MME: variants seen among roughly 807,000 people sequenced by gnomAD.
The protein encoded by MME is membrane metalloendopeptidase.
A neutral mutation model predicts 113.2 loss-of-function variants in MME; 98 were observed. The ratio of observed to expected loss-of-function variants is 0.87; its 90% confidence interval spans 0.74 to 1.02. The LOEUF is 1.02. Ranked by LOEUF, MME falls within the 50% of genes least tolerant of loss-of-function variation. The pLI is 0.00. For synonymous variants in MME, 292 were observed against 300.6 expected (o/e 0.97, Z 0.30); for missense variants, 836 against 896.0 (o/e 0.93, Z 0.86).
chr3:155,038,659 G>A (rs1201437250), intron 1 of MME, among the ~76,000 whole-genome samples: 1 of 152,158 alleles, frequency 6.6e-6, no homozygotes, highest in Admixed American at 6.6e-5. Context: ...TCCTAAAACT[G>A]CAGATAGTAC....
chr3:155,038,065 T>C (rs1713184618), intron 1 of MME, among the ~76,000 whole-genome samples: 1 of 152,128 alleles, frequency 6.6e-6, no homozygotes, highest in African/African-American at 2.4e-5. Context: ...ACCACACACT[T>C]TGAAGTGTTT....
At chr3:155,100,147 A>G (rs1372935977) in intron 3 of MME, among the ~76,000 whole-genome samples, 1 of 152,176 alleles carries the variant, frequency 6.6e-6, no homozygotes, top group African/African-American at 2.4e-5. Flanking sequence ...TTTGCAATTT[A>G]CTCATCTGAC....
At chr3:155,035,068 A>G (rs1302609257) in intron 1 of MME, among the ~76,000 whole-genome samples, 1 of 152,162 alleles carries the variant, frequency 6.6e-6, no homozygotes, top group African/African-American at 2.4e-5. Flanking sequence ...GAAATAATGG[A>G]GATGGAATGT....
In MME at chr3:155,140,492, C is replaced by G. The variant is rs74556683; in HGVS notation, c.957+200C>G. Among the ~76,000 whole-genome samples, 779 of 140,862 alleles carry G rather than the reference C, an allele frequency of 5.5e-3. 6 individuals are homozygous for G. The highest frequency in any genetic ancestry group is 0.019 in the African/African-American group (720 of 37,818). The allele number at this position is 140,862 out of a possible 152,430, so 92.4% of individuals were successfully genotyped here. On this transcript the variant is annotated intron_variant, in intron 10 of 22. Coordinates refer to ENST00000360490, the MANE Select transcript of MME (RefSeq NM_007289.4). ...AGTACAGTGACACAATCTTGGCTCA[C>G]TGTAACGTCCACCTCCCAGGCTCAA...
chr3:155,157,190 C>T (rs1576655284), intron 16 of MME, among the ~76,000 whole-genome samples: 1 of 152,062 alleles, frequency 6.6e-6, no homozygotes, highest in East Asian at 1.9e-4. Flanking sequence ...GCTTACCTGA[C>T]AAAATTACAT....
At chr3:155,032,404 T>G (rs1713000855) in intron 1 of MME, among the ~76,000 whole-genome samples, 1 of 152,170 alleles carries the variant, frequency 6.6e-6, no homozygotes, top group African/African-American at 2.4e-5. Flanking sequence ...AGAAAGACAT[T>G]CAAAACCTCA....
chr3:155,132,310 T>C (rs1720206521), intron 8 of MME, among the ~76,000 whole-genome samples: 1 of 152,188 alleles, frequency 6.6e-6, no homozygotes, highest in South Asian at 2.1e-4. Context: ...AGGAAGAGCC[T>C]CATTTCTAAA....
At chr3:155,029,167 C>G (rs1365064065) in intron 1 of MME, among the ~76,000 whole-genome samples, 2 of 152,068 alleles carry the variant, frequency 1.3e-5, no homozygotes, top group African/African-American at 4.8e-5. Context: ...CTTACTATTT[C>G]TTGTTAATAC....
intron 3 of MME, among the ~76,000 whole-genome samples, chr3:155,087,941 A>G (rs1371339270): frequency 6.6e-6 from 1 of 152,196 alleles, no homozygotes; most frequent in Non-Finnish European, 1.5e-5. Context: ...TTTAACCTGT[A>G]TCCTTTAATT....
intron 1 of MME, among the ~76,000 whole-genome samples, chr3:155,074,380 G>A (rs576438046): frequency 4.0e-5 from 6 of 151,798 alleles, no homozygotes; most frequent in African/African-American, 7.2e-5. Flanking sequence ...CTTCACTTCC[G>A]TTATGATTTG....
intron 1 of MME, among the ~76,000 whole-genome samples, chr3:155,049,678 T>TATAGAG (rs1342078785): frequency 1.3e-5 from 2 of 148,346 alleles, no homozygotes; most frequent in African/African-American, 4.9e-5. Flanking sequence ...TATCTATATA[T>TATAGAG]AGAGAGAGAA....
chr3:155,079,212 C>G (rs1576688073), upstream of MME, among the ~76,000 whole-genome samples: 1 of 151,010 alleles, frequency 6.6e-6, no homozygotes, highest in African/African-American at 2.4e-5. Context: ...AAAAAGAAAA[C>G]GAAGGAGGGA....
chr3:155,101,079 C>T (rs1333185581), intron 3 of MME, among the ~76,000 whole-genome samples: 2 of 151,880 alleles, frequency 1.3e-5, no homozygotes, highest in African/African-American at 4.8e-5. Flanking sequence ...GTGTGTGGAA[C>T]CCCCCCACCC....
chr3:155,155,627 T>C (rs149128777), intron 16 of MME, among the ~76,000 whole-genome samples: 289 of 152,320 alleles, frequency 1.9e-3, no homozygotes, highest in Non-Finnish European at 3.1e-3. Context: ...TACCTTCTAA[T>C]GAGCTAGGTA....
chr3:155,097,287 G>A (rs1316948287), intron 3 of MME, among the ~76,000 whole-genome samples: 2 of 152,182 alleles, frequency 1.3e-5, no homozygotes, highest in African/African-American at 2.4e-5. Context: ...GGAGGAAATG[G>A]AGAAGAGAAC....
At chr3:155,147,446 C>T (rs1314535777) in intron 15 of MME, among the ~76,000 whole-genome samples, 1 of 152,064 alleles carries the variant, frequency 6.6e-6, no homozygotes, top group Non-Finnish European at 1.5e-5. Context: ...TCCATATATT[C>T]CATTTTAAGA....
intron 3 of MME, among the ~76,000 whole-genome samples, chr3:155,097,397 A>G (rs568325582): frequency 1.8e-3 from 268 of 152,308 alleles, no homozygotes; most frequent in African/African-American, 5.6e-3. Context: ...AAAATCAGCG[A>G]AGTGTAAAAT....
chr3:155,049,657 ATCTATCTATCTATC>A (rs1559892445), intron 1 of MME, among the ~76,000 whole-genome samples: 28 of 151,758 alleles, frequency 1.8e-4, no homozygotes, highest in African/African-American at 6.6e-4. Context: ...CTATCTATCT[ATCTATCTATCTATC>A]TATATATAGA....
chr3:155,047,870 A>G (rs890369005), intron 1 of MME, among the ~76,000 whole-genome samples: 4 of 152,156 alleles, frequency 2.6e-5, no homozygotes, highest in Non-Finnish European at 5.9e-5. Flanking sequence ...GTAGGTGGTA[A>G]TTTGAATTTC....
Sources: gnomAD v4.1 joint callset for allele counts (sites outside exome capture counted in the v4.1 genomes callset) on GRCh38, gnomAD v4.1.1 for gene constraint, MANE v1.5 for transcripts, NCBI Gene and HGNC (gene_info 2026-07-23, HGNC 2026-07-21) for gene names.